TTC28: variants seen among roughly 807,000 people sequenced by gnomAD.
The protein encoded by TTC28 is tetratricopeptide repeat domain 28.
Under a neutral mutation model 198.0 loss-of-function variants are expected in TTC28, and 61 were observed. The ratio of observed to expected loss-of-function variants is 0.31; its 90% confidence interval spans 0.25 to 0.38. TTC28 has a LOEUF of 0.38. TTC28 is among the 10% of genes least tolerant of loss of function. The probability of loss-of-function intolerance (pLI) is 1.00; values close to 1 mark genes in which losing one functional copy is unlikely to be tolerated. For missense variants in TTC28, 2,678 were observed against 3,164.0 expected (o/e 0.85, Z 3.69); for synonymous variants, 1,171 against 1,297.8 (o/e 0.90, Z 2.10).
intron 2 of TTC28, among the ~76,000 whole-genome samples, chr22:28,576,790 C>A (rs373349984): frequency 6.6e-6 from 1 of 151,948 alleles, no homozygotes; most frequent in East Asian, 1.9e-4. Context: ...TCATAGTAGC[C>A]TCTAATCCTT....
intron 2 of TTC28, among the ~76,000 whole-genome samples, chr22:28,337,435 T>C (rs1345044227): frequency 3.3e-5 from 5 of 152,266 alleles, no homozygotes; most frequent in East Asian, 1.9e-4. Context: ...ATGTTGACAG[T>C]GGGGTGTTAA....
chr22:28,553,385 G>A (rs1418599476), intron 2 of TTC28, among the ~76,000 whole-genome samples: 6 of 150,742 alleles, frequency 4.0e-5, no homozygotes, highest in Non-Finnish European at 5.9e-5. Flanking sequence ...AGTGAGGAGC[G>A]TCTCTGCCCG....
At chr22:28,011,367 A>AG (rs1938155795) in intron 14 of TTC28, among the ~76,000 whole-genome samples, 1 of 152,194 alleles carries the variant, frequency 6.6e-6, no homozygotes, top group African/African-American at 2.4e-5. Context: ...AAGCCAAAGC[A>AG]GATGGATTGC....
intron 2 of TTC28, among the ~76,000 whole-genome samples, chr22:28,475,510 T>C (rs1432316015): frequency 6.6e-6 from 1 of 152,214 alleles, no homozygotes; most frequent in Non-Finnish European, 1.5e-5. Context: ...TCATCAACTT[T>C]GTAACCAAAC....
At chr22:28,546,422 G>C (rs773202033) in intron 2 of TTC28, among the ~76,000 whole-genome samples, 1 of 152,180 alleles carries the variant, frequency 6.6e-6, no homozygotes, top group African/African-American at 2.4e-5. Context: ...CTCCAGCCTG[G>C]GTGACAGAGC....
At chr22:28,268,027 G>T (rs888636943) in intron 5 of TTC28, among the ~76,000 whole-genome samples, 35 of 152,246 alleles carry the variant, frequency 2.3e-4, no homozygotes, top group African/African-American at 8.2e-4. Context: ...ATCAAGAACA[G>T]GCTCTTTATT....
intron 2 of TTC28, among the ~76,000 whole-genome samples, chr22:28,439,029 CT>C (rs1429591016): frequency 2.0e-5 from 3 of 152,072 alleles, no homozygotes; most frequent in African/African-American, 7.2e-5. Context: ...CAGTCTGCAT[CT>C]ATGAATCAAC....
intron 12 of TTC28, among the ~76,000 whole-genome samples, chr22:28,042,408 A>C (rs1389278169): frequency 5.3e-5 from 8 of 152,236 alleles, no homozygotes; most frequent in Non-Finnish European, 1.0e-4. Context: ...ACATAAAAAA[A>C]GGATGAGTTC....
intron 2 of TTC28, among the ~76,000 whole-genome samples, chr22:28,457,862 A>G (rs188547982): frequency 6.6e-6 from 1 of 152,288 alleles, no homozygotes; most frequent in East Asian, 1.9e-4. Flanking sequence ...TTAACATCGT[A>G]TTGTCCAGAA....
intron 2 of TTC28, among the ~76,000 whole-genome samples, chr22:28,527,016 C>T (rs145409900): frequency 3.2e-3 from 486 of 152,196 alleles, no homozygotes; most frequent in African/African-American, 0.011. Flanking sequence ...CCTCAGCCTC[C>T]GAAACTGCTG....
chr22:28,562,959 C>T (rs569191670), intron 2 of TTC28, among the ~76,000 whole-genome samples: 4 of 152,106 alleles, frequency 2.6e-5, no homozygotes, highest in East Asian at 1.9e-4. Context: ...CCTGTCTCTA[C>T]AAAAAATACA....
At chr22:27,991,018 G>T (rs578024601) in intron 19 of TTC28, among the ~76,000 whole-genome samples, 1 of 152,160 alleles carries the variant, frequency 6.6e-6, no homozygotes, top group Non-Finnish European at 1.5e-5. Flanking sequence ...AGCCGCGTGC[G>T]GATCCAGGGG....
chr22:28,226,609 G>T (rs552635952), intron 5 of TTC28, among the ~76,000 whole-genome samples: 26 of 152,082 alleles, frequency 1.7e-4, no homozygotes, highest in Non-Finnish European at 2.8e-4. Context: ...GTATTTTTTG[G>T]TAGAGACAGG....
At chr22:28,567,809 T>C (rs919145684) in intron 2 of TTC28, among the ~76,000 whole-genome samples, 2 of 151,794 alleles carry the variant, frequency 1.3e-5, no homozygotes, top group Admixed American at 1.3e-4. Context: ...CAAAGGGAAT[T>C]TTCAGACTGA....
At chr22:28,154,939 T>C (rs1351446703) in intron 6 of TTC28, among the ~76,000 whole-genome samples, 1 of 152,162 alleles carries the variant, frequency 6.6e-6, no homozygotes, top group Non-Finnish European at 1.5e-5. Flanking sequence ...GCTTCTATTG[T>C]CCAAAAACCT....
intron 12 of TTC28, among the ~76,000 whole-genome samples, chr22:28,034,747 G>C (rs182387034): frequency 4.6e-4 from 70 of 152,334 alleles, no homozygotes; most frequent in Admixed American, 9.1e-4. Context: ...ACCTCCTGGC[G>C]AGGGCTGAGA....
intron 13 of TTC28, among the ~76,000 whole-genome samples, chr22:28,021,418 G>A (rs1355493028): frequency 6.6e-6 from 1 of 152,166 alleles, no homozygotes; most frequent in Non-Finnish European, 1.5e-5. Flanking sequence ...ACCACCTGAG[G>A]AACGCATGAA....
At chr22:28,146,878 CAACA>C (rs1014745920) in intron 6 of TTC28, among the ~76,000 whole-genome samples, 1 of 151,716 alleles carries the variant, frequency 6.6e-6, no homozygotes, top group African/African-American at 2.4e-5. Flanking sequence ...GGGCACATAA[CAACA>C]AAGCATTTAC....
chr22:28,419,370 C>A (rs1018211479), intron 2 of TTC28, among the ~76,000 whole-genome samples: 1 of 152,164 alleles, frequency 6.6e-6, no homozygotes. Context: ...TTGTATTACA[C>A]TAGGTTGCTT....
Sources: allele counts gnomAD v4.1 joint callset (sites outside exome capture counted in the v4.1 genomes callset), GRCh38; gene constraint gnomAD v4.1.1; transcripts MANE v1.5; gene names NCBI Gene and HGNC (gene_info 2026-07-23, HGNC 2026-07-21).